Variants in HACD3 observed in about 807,000 individuals in gnomAD.
The protein encoded by HACD3 is very-long-chain (3R)-3-hydroxyacyl-CoA dehydratase 3.
In HACD3, 30 loss-of-function variants were observed where a neutral mutation model predicts 55.2. The ratio of observed to expected loss-of-function variants is 0.54; its 90% CI spans 0.41 to 0.74. The LOEUF (loss-of-function observed/expected upper bound fraction) is 0.74. HACD3 is among the 30% of genes least tolerant of loss of function. HACD3 has a pLI of 0.00. For missense variants in HACD3, 363 were observed against 440.1 expected (o/e 0.82, Z 1.57); for synonymous variants, 141 against 151.7 (o/e 0.93, Z 0.52).
intron 1 of HACD3, 38 bp downstream of exon 1, chr15:65,530,756 C>G: frequency 6.6e-7 from 1 of 1,516,072 alleles, no homozygotes; most frequent in East Asian, 2.6e-5. Flanking sequence ...CGCGCGGGAT[C>G]GCGGCTCCGG....
chr15:65,537,612 G>A (rs1187294988), intron 1 of HACD3, among the ~76,000 whole-genome samples: 2 of 151,040 alleles, frequency 1.3e-5, no homozygotes, highest in African/African-American at 2.4e-5. Flanking sequence ...CCAACATGGC[G>A]AAACCCCGTC....
At chr15:65,549,426 G>GAAAAAA (rs34149100) in intron 1 of HACD3, among the ~76,000 whole-genome samples, 24 of 111,064 alleles carry the variant, frequency 2.2e-4, no homozygotes, top group African/African-American at 8.0e-4. Context: ...TCTCTGCTGG[G>GAAAAAA]AAAAAAAAAA....
intron 1 of HACD3, among the ~76,000 whole-genome samples, chr15:65,541,507 A>G (rs1319966734): frequency 6.6e-5 from 10 of 152,216 alleles, no homozygotes; most frequent in Non-Finnish European, 7.3e-5. Context: ...GATGGTGTTA[A>G]AAAAGACCTT....
At position 65,544,004 on chromosome 15, in the gene HACD3, G is replaced by A. The variant is rs1027763233; in HGVS notation, c.88-7672G>A. On this transcript the variant is annotated intron_variant, in intron 1 of 10. Coordinates refer to ENST00000261875, the MANE Select transcript of HACD3 (RefSeq NM_016395.4). ...ATCCTGGCTAACATGGTGAAACCTC[G>A]TCTCTACTAAAAATACAAAAAAATT... 6.6e-5 allele frequency among the ~76,000 whole-genome samples: 10 copies of A among 151,930 alleles called. 1 individual carries two copies. The highest frequency in any genetic ancestry group is 5.9e-4 in the Admixed American group (9 of 15,246).
chr15:65,530,739 C>T (rs1318632709), intron 1 of HACD3, 21 bp downstream of exon 1: 3 of 1,531,640 alleles, frequency 2.0e-6, no homozygotes, highest in East Asian at 5.1e-5. Context: ...GGTCGGGCGG[C>T]GGGAAGCGCG....
chr15:65,542,892 G>T lies in HACD3; in HGVS notation c.88-8784G>T, dbSNP rs527975958. Among the ~76,000 whole-genome samples the T allele has an allele frequency of 6.0e-3, 916 of 152,090 alleles. 7 individuals carry two copies. The highest frequency in any genetic ancestry group is 0.021 in the African/African-American group (879 of 41,490). On this transcript the variant is annotated intron_variant, in intron 1 of 10. Coordinates refer to ENST00000261875, the MANE Select transcript of HACD3 (RefSeq NM_016395.4). ...AGATAGAGACCATCCTGGCCAACAT[G>T]GGGAAACCCTGTCTCTACTAAAAAT...
At chr15:65,543,054 C>CAA (rs10663944) in intron 1 of HACD3, among the ~76,000 whole-genome samples, 139,051 of 147,922 alleles carry the variant, frequency 0.94, 65,345 homozygotes, top group Admixed American at 0.96. Context: ...AGCCTGGCGA[C>CAA]AGTGGGACTC....
Position 65,552,399 on chromosome 15 carries a change from G to A in HACD3, c.130+681G>A, listed in dbSNP as rs548962532. Among the ~76,000 whole-genome samples, 20 of 152,306 alleles carry A rather than the reference G, an allele frequency of 1.3e-4. No homozygotes were observed. The East Asian group carries it at 2.9e-3, about 22-fold the overall frequency. ...CACCCAGGCTGGAATGCAGTGGCAT[G>A]ATTTCGGCTCACTGCAACCTCCGCC... On this transcript the variant is annotated intron_variant, in intron 2 of 10. Transcript: ENST00000261875.
At chr15:65,549,060 T>G (rs2072105239) in intron 1 of HACD3, among the ~76,000 whole-genome samples, 1 of 152,200 alleles carries the variant, frequency 6.6e-6, no homozygotes, top group Non-Finnish European at 1.5e-5. Flanking sequence ...AAGGCACAGT[T>G]TCTTTTCTTG....
At position 65,538,333 on chromosome 15, in the gene HACD3, C is replaced by T. The variant is rs940397543; in HGVS notation, c.87+7615C>T. On this transcript the variant is annotated intron_variant, in intron 1 of 10. Coordinates refer to ENST00000261875, the MANE Select transcript of HACD3 (RefSeq NM_016395.4). Reference sequence around the variant, plus strand: ...AAAATATAAAAATGAACAGGAGTTTCGAAGAAGTGGAATTCAACCCTCATG... The same window carrying T: ...AAAATATAAAAATGAACAGGAGTTTTGAAGAAGTGGAATTCAACCCTCATG... 1.4e-4 allele frequency among the ~76,000 whole-genome samples: 22 copies of T among 152,116 alleles called. 1 individual carries two copies. Among genetic ancestry groups the T allele is most frequent in the Non-Finnish European group, 1.3e-4 (9 of 68,014 alleles).
chr15:65,541,614 T>A lies in HACD3; in HGVS notation c.88-10062T>A, dbSNP rs190710807. Among the ~76,000 whole-genome samples the A allele has an allele frequency of 3.9e-3, 597 of 152,320 alleles. 2 individuals carry two copies. The highest frequency in any genetic ancestry group is 6.3e-3 in the Non-Finnish European group (428 of 68,022). On this transcript the variant is annotated intron_variant, in intron 1 of 10. Transcript: ENST00000261875. ...GATGTTGACAGAAAGCAGGGACAGTTCTATGATTTGGTATTTTGTGGTTGG... is the reference window on the plus strand; with the variant it reads ...GATGTTGACAGAAAGCAGGGACAGTACTATGATTTGGTATTTTGTGGTTGG...
At chr15:65,552,824 C>G (rs1164269322) in intron 2 of HACD3, among the ~76,000 whole-genome samples, 2 of 151,712 alleles carry the variant, frequency 1.3e-5, no homozygotes, top group Non-Finnish European at 2.9e-5. Flanking sequence ...GTATATCTCC[C>G]GATGCTATCC....
At chr15:65,533,256 T>G (rs1596201302) in intron 1 of HACD3, among the ~76,000 whole-genome samples, 1 of 152,118 alleles carries the variant, frequency 6.6e-6, no homozygotes, top group Non-Finnish European at 1.5e-5. Flanking sequence ...GTGTTAGAAC[T>G]GATTATAGGA....
chr15:65,543,486 G>A (rs1490503745), intron 1 of HACD3, among the ~76,000 whole-genome samples: 3 of 152,156 alleles, frequency 2.0e-5, no homozygotes, highest in African/African-American at 7.2e-5. Flanking sequence ...ATGTACTAAT[G>A]TTATTAGGAA....
intron 2 of HACD3, among the ~76,000 whole-genome samples, chr15:65,553,754 C>T (rs1385483519): frequency 6.6e-6 from 1 of 152,136 alleles, no homozygotes; most frequent in Non-Finnish European, 1.5e-5. Context: ...CTACCTGTAG[C>T]GAATATTAGG....
intron 4 of HACD3, 21 bp downstream of exon 4, chr15:65,556,924 C>T (rs1257795037): frequency 1.9e-6 from 3 of 1,598,226 alleles, no homozygotes; most frequent in Non-Finnish European, 2.6e-6. Context: ...ATCCTAGGAT[C>T]TAGCCATTGA....
chr15:65,568,606 G>T (rs2072316700), intron 7 of HACD3, among the ~76,000 whole-genome samples: 1 of 151,842 alleles, frequency 6.6e-6, no homozygotes, highest in Non-Finnish European at 1.5e-5. Context: ...TGATCTGCCA[G>T]CCTCGGCCTC....
In HACD3 at chr15:65,568,202, G is replaced by C. The variant is rs186600531; in HGVS notation, c.661-1889G>C. On this transcript the variant is annotated intron_variant, in intron 7 of 10. Transcript: ENST00000261875. The stretch of plus-strand genomic sequence containing the variant: ...CTTCCAAAGTGCTGGGATTACAGAC[G>C]TGAGCCACCGTGCCCGGCAATGGGT... Among the ~76,000 whole-genome samples the C allele has an allele frequency of 1.7e-3, 263 of 150,870 alleles. 1 individual carries two copies. The South Asian group carries it at 0.018, about 10-fold the overall frequency.
chr15:65,543,308 A>C (rs1316290366), intron 1 of HACD3, among the ~76,000 whole-genome samples: 1 of 152,088 alleles, frequency 6.6e-6, no homozygotes, highest in Non-Finnish European at 1.5e-5. Context: ...TAAATGTTAC[A>C]CTTACAAGGG....
Sources: allele counts gnomAD v4.1 joint callset (sites outside exome capture counted in the v4.1 genomes callset), GRCh38; gene constraint gnomAD v4.1.1; transcripts MANE v1.5; gene names NCBI Gene and HGNC (gene_info 2026-07-23, HGNC 2026-07-21).